GRIN2D: variants seen among roughly 807,000 people sequenced by gnomAD.
GRIN2D encodes the protein glutamate ionotropic receptor NMDA type subunit 2D, also known as glutamate receptor ionotropic, NMDA 2D.
In GRIN2D, 37 loss-of-function variants were observed where a neutral mutation model predicts 103.2. The ratio of observed to expected loss-of-function variants is 0.36; its 90% confidence interval spans 0.28 to 0.47. The LOEUF (loss-of-function observed/expected upper bound fraction) is 0.47. Ranked by LOEUF, GRIN2D falls within the 20% of genes least tolerant of loss-of-function variation. The probability of loss-of-function intolerance (pLI) is 1.00; values close to 1 mark genes in which losing one functional copy is unlikely to be tolerated. For synonymous variants in GRIN2D, 845 were observed against 885.6 expected (o/e 0.95, Z 0.81); for missense variants, 1,557 against 1,910.6 (o/e 0.81, Z 3.45).
intron 3 of GRIN2D, among the ~76,000 whole-genome samples, chr19:48,399,340 C>G (rs906894210): frequency 2.0e-5 from 3 of 152,068 alleles, no homozygotes; most frequent in Non-Finnish European, 4.4e-5. Context: ...CCGAGGCCGG[C>G]GGATCACTTG....
At chr19:48,431,872 A>G (rs1205712418) in intron 11 of GRIN2D, among the ~76,000 whole-genome samples, 1 of 151,752 alleles carries the variant, frequency 6.6e-6, no homozygotes, top group African/African-American at 2.4e-5. Flanking sequence ...GGTGTGTGCC[A>G]CCGCGCCCGG....
In GRIN2D at chr19:48,438,287, C is replaced by CTTTTTTTTTTTTTTTTTTTT. The variant is rs71181697; in HGVS notation, c.2253-3472_2253-3453dup. ...TCTCTTCAACTCAGCATCCAGCCGCCTTTTTTTTTTTTTTTTTTTTTTTTT... is the reference window on the plus strand; with the variant it reads ...TCTCTTCAACTCAGCATCCAGCCGCCTTTTTTTTTTTTTTTTTTTTTTTTTTTTTTTTTTTTTTTTTTTTT... On this transcript the variant is annotated intron_variant, in intron 11 of 13. Coordinates refer to ENST00000263269, the MANE Select transcript of GRIN2D (RefSeq NM_000836.4). Among the ~76,000 whole-genome samples, 9 of 57,726 alleles carry CTTTTTTTTTTTTTTTTTTTT rather than the reference C, an allele frequency of 1.6e-4. 3 individuals carry two copies. The highest frequency in any genetic ancestry group is 6.8e-4 in the African/African-American group (9 of 13,202). The allele number at this position is 57,726 out of a possible 152,430, so 37.9% of individuals were successfully genotyped here. A position where few individuals can be genotyped will look rare whatever the true frequency, so the allele number is the denominator to read the frequency against.
chr19:48,425,527 C>T (rs1971076539), intron 11 of GRIN2D, among the ~76,000 whole-genome samples: 1 of 152,184 alleles, frequency 6.6e-6, no homozygotes, highest in Non-Finnish European at 1.5e-5. Context: ...CAGGCGTGAG[C>T]CACCGTATCC....
intron 11 of GRIN2D, among the ~76,000 whole-genome samples, chr19:48,435,296 G>GTTTTTTTT (rs766061537): frequency 1.6e-5 from 2 of 121,626 alleles, no homozygotes; most frequent in Admixed American, 9.7e-5. Context: ...TCAGCCACTT[G>GTTTTTTTT]TTTTTTTTTT....
In GRIN2D at chr19:48,443,530, C is replaced by G; in HGVS notation, c.3604C>G (p.Leu1202Val). Residue 1202 changes from leucine (L) to valine (V), a missense_variant, in exon 14 of 14, where the codon CTG becomes GTG. Physicochemically the swap from Leu to Val is conservative, Grantham distance 32. This residue lies in a region of GRIN2D where 632 missense variants were observed against 572.8 expected (regional missense o/e 1.10). Transcript: ENST00000263269. The surrounding 1 kb of genome is among the most constrained non-coding windows in gnomAD (Gnocchi z 8.9). ...CCATCTCAGCTGCTCGCACGATGGC[C>G]TGGACGGCGGCTGGTGGGCGCCACC... ...PRHLSCSHDGLDGGWWAPPPP... is the reference protein window; with the variant it reads ...PRHLSCSHDGVDGGWWAPPPP... 1 of 1,295,314 alleles carries G rather than the reference C, an allele frequency of 7.7e-7. No individual in the cohort carries two copies. The highest frequency in any genetic ancestry group is 3.2e-5 in the East Asian group (1 of 30,988). The allele number at this position is 1,295,314 out of a possible 1,614,324, so 80.2% of individuals were successfully genotyped here. A position where few individuals can be genotyped will look rare whatever the true frequency, so the allele number is the denominator to read the frequency against.
chr19:48,401,414 G>A (rs1334057365), intron 3 of GRIN2D, among the ~76,000 whole-genome samples: 1 of 152,206 alleles, frequency 6.6e-6, no homozygotes, highest in Non-Finnish European at 1.5e-5. Context: ...TCAATAGATG[G>A]CAGTCAGGGG....
At chr19:48,430,561 C>G (rs1040962140) in intron 11 of GRIN2D, among the ~76,000 whole-genome samples, 1 of 152,092 alleles carries the variant, frequency 6.6e-6, no homozygotes, top group Admixed American at 6.6e-5. Flanking sequence ...GGGATCTGCC[C>G]ACCTCAGCCT....
chr19:48,402,687 G>A (rs1173032836), intron 3 of GRIN2D, among the ~76,000 whole-genome samples: 10 of 130,020 alleles, frequency 7.7e-5, no homozygotes, highest in Non-Finnish European at 1.2e-4. Flanking sequence ...ACTGCGGTCC[G>A]CAGTCCGGCC....
chr19:48,401,566 G>A (rs1398495790), intron 3 of GRIN2D, among the ~76,000 whole-genome samples: 4 of 152,202 alleles, frequency 2.6e-5, no homozygotes, highest in African/African-American at 9.6e-5. Flanking sequence ...TGTATTTGAG[G>A]AAGAGCAAGA....
chr19:48,434,098 G>A (rs1029954157), intron 11 of GRIN2D, among the ~76,000 whole-genome samples: 5 of 151,734 alleles, frequency 3.3e-5, no homozygotes, highest in African/African-American at 1.2e-4. Flanking sequence ...ACAGGCGCCC[G>A]CCACCTCATC....
rs1971343180 is a variant in GRIN2D at position 48,443,795 on chromosome 19, C to T, written c.3869C>T (p.Pro1290Leu). Residue 1290 changes from proline (P) to leucine (L), a missense_variant, in exon 14 of 14, where the codon CCC becomes CTC. Around this residue, in one of 7 missense-constraint regions of GRIN2D, gnomAD observed 88 missense variants for 84.3 expected, o/e 1.04. Coordinates refer to ENST00000263269, the MANE Select transcript of GRIN2D (RefSeq NM_000836.4). The surrounding 1 kb of genome is among the most constrained non-coding windows in gnomAD (Gnocchi z 8.9). Reference protein sequence around the residue: ...RAAPARRLTGPSRHARRCPHA... With the variant: ...RAAPARRLTGLSRHARRCPHA... ...GCCCCTGCGCGCAGGCTTACCGGGC[C>T]CTCCCGCCACGCTCGCAGGTGTCCG... is the stretch of plus-strand genomic sequence containing the variant. The T allele has an allele frequency of 2.7e-6, 4 of 1,471,372 alleles. No individual in the cohort carries two copies. The highest frequency in any genetic ancestry group is 3.0e-5 in the East Asian group (1 of 33,562). The allele number at this position is 1,471,372 out of a possible 1,614,324, so 91.1% of individuals were successfully genotyped here. A position where few individuals can be genotyped will look rare whatever the true frequency, so the allele number is the denominator to read the frequency against.
chr19:48,442,490 G>A lies in GRIN2D; in HGVS notation c.2673+108G>A, dbSNP rs1159697527. On this transcript the variant is annotated intron_variant, in intron 13 of 13. Transcript: ENST00000263269. The surrounding 1 kb of genome is among the most constrained non-coding windows in gnomAD (Gnocchi z 7.2). The stretch of plus-strand genomic sequence containing the variant: ...GGGTCGAGATGTGGATAGTGGGGAA[G>A]AGAGCGGGAAACACAGGCGGGTAAA... The A allele has an allele frequency of 1.1e-5, 17 of 1,516,608 alleles. No individual in the cohort carries two copies. The highest frequency in any genetic ancestry group is 1.4e-5 in the African/African-American group (1 of 73,152). 93.9% of individuals were successfully genotyped at this position (1,516,608 alleles called of 1,614,324 possible).
In GRIN2D at chr19:48,395,960, G is replaced by A. The variant is rs529314778; in HGVS notation, c.-27+1024G>A. On this transcript the variant is annotated intron_variant, in intron 2 of 13. Coordinates refer to ENST00000263269, the MANE Select transcript of GRIN2D (RefSeq NM_000836.4). ...CTGGGTCCTGGGAAAGAACAGGACC[G>A]AATGCCCAGACTCCCAAGGCCTGGG... Among the ~76,000 whole-genome samples the A allele has an allele frequency of 1.1e-3, 162 of 151,796 alleles. 3 individuals carry two copies. The highest frequency in any genetic ancestry group is 9.0e-3 in the Admixed American group (137 of 15,270).
intron 2 of GRIN2D, among the ~76,000 whole-genome samples, chr19:48,397,842 CCTCT>C: frequency 1.3e-5 from 2 of 151,822 alleles, no homozygotes; most frequent in South Asian, 2.1e-4. Flanking sequence ...TGTCTATCTT[CCTCT>C]CTCTCCCCTC....
At chr19:48,403,198 CAAAAAAAAAAAAAAAA>C (rs145115482) in intron 3 of GRIN2D, among the ~76,000 whole-genome samples, 2 of 91,314 alleles carry the variant, frequency 2.2e-5, no homozygotes, top group African/African-American at 4.0e-5. Flanking sequence ...GACTCTGTCT[CAAAAAAAAAAAAAAAA>C]AAAAAAAAAG....
At chr19:48,430,623 T>C (rs1971144461) in intron 11 of GRIN2D, among the ~76,000 whole-genome samples, 2 of 152,312 alleles carry the variant, frequency 1.3e-5, no homozygotes, top group South Asian at 4.1e-4. Flanking sequence ...TCTATTTTTC[T>C]TGAGGTTAGT....
chr19:48,443,852 C>T lies in GRIN2D; in HGVS notation c.3926C>T (p.Thr1309Ile). Residue 1309 changes from threonine (T) to isoleucine (I), a missense_variant, in exon 14 of 14, where the codon ACA (threonine) becomes ATA (isoleucine). Transcript: ENST00000263269. The surrounding 1 kb of genome is among the most constrained non-coding windows in gnomAD (Gnocchi z 8.9). The part of the protein sequence containing the change: ...HAAHWGPPLP[T>I]ASHRRHRGGD... ...GCGCACTGGGGGCCGCCGCTGCCCA[C>T]AGCTTCCCACCGGAGACACCGGGGC... is the stretch of plus-strand genomic sequence containing the variant. 2.0e-6 allele frequency: 3 copies of T among 1,485,364 alleles called. No homozygotes were observed. Among genetic ancestry groups the T allele is most frequent in the Non-Finnish European group, 2.7e-6 (3 of 1,125,980 alleles). The allele number at this position is 1,485,364 out of a possible 1,614,324, so 92.0% of individuals were successfully genotyped here.
intron 2 of GRIN2D, among the ~76,000 whole-genome samples, chr19:48,396,406 C>T (rs763473548): frequency 4.0e-5 from 6 of 151,728 alleles, no homozygotes; most frequent in South Asian, 4.2e-4. Flanking sequence ...GAGTGGGACG[C>T]GGGGTCCCTA....
At chr19:48,432,415 A>G (rs1971169395) in intron 11 of GRIN2D, among the ~76,000 whole-genome samples, 1 of 151,854 alleles carries the variant, frequency 6.6e-6, no homozygotes, top group African/African-American at 2.4e-5. Flanking sequence ...TTCTGAGAAA[A>G]TTTCTTGAAT....
Sources: gnomAD v4.1 joint callset for allele counts (sites outside exome capture counted in the v4.1 genomes callset) on GRCh38, gnomAD v4.1.1 for gene constraint, gnomAD v4.1.1 regional missense constraint, Gnocchi (gnomAD v3.1) non-coding constraint, MANE v1.5 for transcripts, NCBI Gene and HGNC (gene_info 2026-07-23, HGNC 2026-07-21) for gene names.